ABTB3: variants seen among roughly 807,000 people sequenced by gnomAD.
ABTB3 encodes ankyrin repeat- and BTB/POZ domain-containing protein 3.
the ABTB3 span, among the ~76,000 whole-genome samples, chr12:107,458,096 T>A: frequency 4.6e-5 from 7 of 152,362 alleles, no homozygotes; most frequent in African/African-American, 1.7e-4. Context: ...ATCTTTGTTC[T>A]TTCTCCTCAT....
chr12:107,387,524 G>A, the ABTB3 span, among the ~76,000 whole-genome samples: 9,293 of 152,268 alleles, frequency 0.061, 346 homozygotes, highest in African/African-American at 0.098. Flanking sequence ...CAGTGGGGAA[G>A]ACAGATGTTA....
At chr12:107,636,430 C>A in the ABTB3 span, among the ~76,000 whole-genome samples, 2 of 152,230 alleles carry the variant, frequency 1.3e-5, no homozygotes, top group Middle Eastern at 3.4e-3. Flanking sequence ...GTTTCCCTTT[C>A]CTAAGAAAAT....
chr12:107,530,008 C>A, the ABTB3 span, among the ~76,000 whole-genome samples: 1 of 152,150 alleles, frequency 6.6e-6, no homozygotes, highest in African/African-American at 2.4e-5. Flanking sequence ...CCAGGGACAT[C>A]CTGGAGGGCT....
chr12:107,400,544 G>A, the ABTB3 span, among the ~76,000 whole-genome samples: 3 of 151,998 alleles, frequency 2.0e-5, no homozygotes, highest in Non-Finnish European at 2.9e-5. Flanking sequence ...CTTGAATTTC[G>A]CCTTTTCTAG....
At chr12:107,434,119 T>G in the ABTB3 span, among the ~76,000 whole-genome samples, 1 of 152,262 alleles carries the variant, frequency 6.6e-6, no homozygotes, top group African/African-American at 2.4e-5. Flanking sequence ...ATTTGAACAC[T>G]GACCACCATG....
At chr12:107,400,623 G>T in the ABTB3 span, among the ~76,000 whole-genome samples, 1 of 152,156 alleles carries the variant, frequency 6.6e-6, no homozygotes, top group African/African-American at 2.4e-5. Context: ...TGAACATTCA[G>T]TGAGATGAAG....
At chr12:107,637,604 A>T in the ABTB3 span, among the ~76,000 whole-genome samples, 2 of 152,198 alleles carry the variant, frequency 1.3e-5, no homozygotes, top group Admixed American at 1.3e-4. Flanking sequence ...TAGCATAACT[A>T]AAGGTCACCA....
the ABTB3 span, among the ~76,000 whole-genome samples, chr12:107,380,278 C>T: frequency 6.6e-6 from 1 of 152,184 alleles, no homozygotes; most frequent in Non-Finnish European, 1.5e-5. Context: ...TTTCATTACT[C>T]TCCTGAATCT....
chr12:107,331,316 G>A, the ABTB3 span, among the ~76,000 whole-genome samples: 1 of 152,190 alleles, frequency 6.6e-6, no homozygotes, highest in African/African-American at 2.4e-5. Context: ...CCGCCCTCAT[G>A]GAGCTTGCAG....
the ABTB3 span, among the ~76,000 whole-genome samples, chr12:107,583,944 T>C: frequency 2.0e-5 from 3 of 152,214 alleles, no homozygotes; most frequent in Non-Finnish European, 2.9e-5. Context: ...TCGAGCTAAA[T>C]TTTCATTCGA....
chr12:107,503,756 C>CAAAAAAAA, the ABTB3 span, among the ~76,000 whole-genome samples: 70 of 70,720 alleles, frequency 9.9e-4, 2 homozygotes, highest in African/African-American at 4.3e-3. Flanking sequence ...GACCCTATCT[C>CAAAAAAAA]AAAAAAAAAA....
chr12:107,412,262 C>T, the ABTB3 span, among the ~76,000 whole-genome samples: 1 of 152,204 alleles, frequency 6.6e-6, no homozygotes, highest in African/African-American at 2.4e-5. Context: ...TGCTTCCCAT[C>T]TTGCAGATGA....
chr12:107,457,158 G>A, the ABTB3 span, among the ~76,000 whole-genome samples: 1 of 152,172 alleles, frequency 6.6e-6, no homozygotes, highest in Non-Finnish European at 1.5e-5. Flanking sequence ...CACCGTGCTC[G>A]GCCCTACAGT....
At chr12:107,420,550 A>G in the ABTB3 span, among the ~76,000 whole-genome samples, 3 of 152,148 alleles carry the variant, frequency 2.0e-5, no homozygotes, top group Admixed American at 6.5e-5. Flanking sequence ...ATTACCTCCC[A>G]TCAGGTCCCT....
chr12:107,438,133 G>C, the ABTB3 span, among the ~76,000 whole-genome samples: 16 of 152,080 alleles, frequency 1.1e-4, no homozygotes, highest in African/African-American at 3.9e-4. Flanking sequence ...ATACAACCAG[G>C]CGCCGAGGCA....
At chr12:107,571,655 T>C in the ABTB3 span, among the ~76,000 whole-genome samples, 1 of 152,272 alleles carries the variant, frequency 6.6e-6, no homozygotes, top group African/African-American at 2.4e-5. Context: ...ACACAGAGTC[T>C]GTGGCTTCTC....
the ABTB3 span, among the ~76,000 whole-genome samples, chr12:107,656,025 T>C: frequency 6.6e-6 from 1 of 151,934 alleles, no homozygotes. Context: ...CAGTGGCTCA[T>C]GCCTGTAATC....
the ABTB3 span, among the ~76,000 whole-genome samples, chr12:107,470,978 AGTT>A: frequency 1.6e-4 from 24 of 152,192 alleles, no homozygotes; most frequent in Admixed American, 4.6e-4. Flanking sequence ...CCCTTAGAGC[AGTT>A]GTTGTTGTCA....
At chr12:107,534,763 T>C in the ABTB3 span, among the ~76,000 whole-genome samples, 1 of 151,994 alleles carries the variant, frequency 6.6e-6, no homozygotes, top group Non-Finnish European at 1.5e-5. Flanking sequence ...AACCTGAACA[T>C]AACAATAACA....
Sources: gnomAD v4.1 joint callset for allele counts (sites outside exome capture counted in the v4.1 genomes callset) on GRCh38, gnomAD v4.1.1 for gene constraint, MANE v1.5 for transcripts, NCBI Gene and HGNC (gene_info 2026-07-23, HGNC 2026-07-21) for gene names.